RAB2B: variants seen among roughly 807,000 people sequenced by gnomAD.
RAB2B encodes RAB2B, member RAS oncogene family.
Under a neutral mutation model 29.8 loss-of-function variants are expected in RAB2B, and 20 were observed. The ratio of observed to expected loss-of-function variants is 0.67; its 90% CI spans 0.47 to 0.97. The LOEUF (loss-of-function observed/expected upper bound fraction) is 0.97, where lower values mean the gene tolerates loss of function less well. Among genes scored for constraint, RAB2B ranks in the 50% least tolerant of loss-of-function variants. The pLI is 0.00. For synonymous variants in RAB2B, 93 were observed against 91.7 expected, an observed-to-expected ratio of 1.01 and a Z score of -0.08; for missense variants, 218 against 272.0, an observed-to-expected ratio of 0.80 and a Z score of 1.40.
At chr14:21,471,628 A>C (rs920631122) in intron 3 of RAB2B, among the ~76,000 whole-genome samples, 1 of 150,516 alleles carries the variant, frequency 6.6e-6, no homozygotes. Flanking sequence ...AAAAAAAAAA[A>C]AAAGAAAAGA....
intron 6 of RAB2B, among the ~76,000 whole-genome samples, 153 bp from the exon 7 acceptor site, chr14:21,462,571 G>A (rs1000061699): frequency 6.6e-6 from 1 of 152,120 alleles, no homozygotes. Flanking sequence ...TGGGTGCGGT[G>A]GCTCATGCCT....
rs1890530165 is a variant in RAB2B at position 21,460,660 on chromosome 14, C to T, written c.*536G>A. 6.4e-6 allele frequency: 1 copy of T among 155,042 alleles called. No homozygotes were observed. The highest frequency in any genetic ancestry group is 1.4e-5 in the Non-Finnish European group (1 of 70,118). 9.6% of individuals were successfully genotyped at this position (155,042 alleles called of 1,614,324 possible). ...CAGAGTTTTGCTCTTGTTGCCCAGG[C>T]TGCAGTGCAATGGCGTGATCTTGGC... On this transcript the variant is annotated 3_prime_UTR_variant, in exon 8 of 8. Transcript: ENST00000397762.
At chr14:21,474,654 T>C (rs1028751541) in intron 3 of RAB2B, 1 of 494,044 alleles carries the variant, frequency 2.0e-6, no homozygotes, top group Admixed American at 3.7e-5. Flanking sequence ...TTATTTTTAC[T>C]AGAATAAACT....
chr14:21,461,573 C>A (rs1408967663), intron 7 of RAB2B, among the ~76,000 whole-genome samples: 2 of 152,054 alleles, frequency 1.3e-5, no homozygotes, highest in East Asian at 3.9e-4. Context: ...GGCTTTTGTG[C>A]ACTTTTTTTT....
Position 21,476,526 on chromosome 14 carries a change from A to C in RAB2B, c.118+2T>G. On this transcript the variant is annotated splice_donor_variant, in intron 2 of 7. Coordinates refer to ENST00000397762, the MANE Select transcript of RAB2B (RefSeq NM_032846.4). LOFTEE classifies it high-confidence loss of function. ...TGTTCTGGAACAAGTAGATGCACTT[A>C]CCTATTGTGAGGTCGTGGACAGGCT... 1 of 1,613,732 alleles carries C rather than the reference A, an allele frequency of 6.2e-7. No homozygotes were observed. Among genetic ancestry groups the C allele is most frequent in the Non-Finnish European group, 8.5e-7 (1 of 1,180,012 alleles).
At position 21,460,326 on chromosome 14, in the gene RAB2B, A is replaced by G. The variant is rs61973205; in HGVS notation, c.*870T>C. 75,107 of 507,936 alleles carry G rather than the reference A, an allele frequency of 0.15. 8,162 individuals are homozygous for G. Among genetic ancestry groups the G allele is most frequent in the African/African-American group, 0.36 (18,340 of 51,328 alleles). The allele number at this position is 507,936 out of a possible 1,614,324, so 31.5% of individuals were successfully genotyped here. On this transcript the variant is annotated 3_prime_UTR_variant, in exon 8 of 8. Coordinates refer to ENST00000397762, the MANE Select transcript of RAB2B (RefSeq NM_032846.4). The stretch of plus-strand genomic sequence containing the variant: ...ATTTAGGCCAGGCACGGTGGCTCAC[A>G]CCTGTAATCCAGCACTTTGGGAGGC...
intron 2 of RAB2B, among the ~76,000 whole-genome samples, chr14:21,475,319 C>T (rs1362651787): frequency 6.6e-6 from 1 of 152,082 alleles, no homozygotes; most frequent in Non-Finnish European, 1.5e-5. Context: ...TATTTCCTGA[C>T]ACTTTCTCAG....
In RAB2B at chr14:21,463,770, G is replaced by A. The variant is rs201316233; in HGVS notation, c.363-3C>T. The A allele has an allele frequency of 1.6e-4, 244 of 1,550,114 alleles. No homozygotes were observed. Among genetic ancestry groups the A allele is most frequent in the Non-Finnish European group, 2.1e-4 (233 of 1,135,054 alleles). ...CATCCCTGCGGGACTCTAGGTCACT[G>A]CAAGAGATTAATTAAGGAGAAAATT... On this transcript the variant is annotated splice_region_variant and splice_polypyrimidine_tract_variant and intron_variant, in intron 5 of 7. Transcript: ENST00000397762.
At chr14:21,464,814 C>A (rs1890649249) in intron 5 of RAB2B, among the ~76,000 whole-genome samples, 1 of 152,064 alleles carries the variant, frequency 6.6e-6, no homozygotes, top group South Asian at 2.1e-4. Flanking sequence ...GAACAGCCTG[C>A]ACAATACAGT....
intron 5 of RAB2B, among the ~76,000 whole-genome samples, chr14:21,465,316 C>T (rs1380920245): frequency 1.3e-5 from 2 of 152,220 alleles, no homozygotes; most frequent in Non-Finnish European, 2.9e-5. Flanking sequence ...AAACGGACTT[C>T]AAACTTAACA....
At chr14:21,470,147 T>G (rs1890775274) in intron 3 of RAB2B, among the ~76,000 whole-genome samples, 2 of 151,676 alleles carry the variant, frequency 1.3e-5, no homozygotes, top group African/African-American at 4.8e-5. Context: ...TAGAGATGGG[T>G]TTTCACTATG....
In RAB2B at chr14:21,463,575, T is replaced by C. The variant is rs909645519; in HGVS notation, c.474+81A>G. The C allele has an allele frequency of 1.1e-4, 110 of 1,031,324 alleles. 1 individual carries two copies. Among genetic ancestry groups the C allele is most frequent in the Middle Eastern group, 6.3e-4 (3 of 4,788 alleles). 63.9% of individuals were successfully genotyped at this position (1,031,324 alleles called of 1,614,324 possible). Reference sequence around the variant, plus strand: ...ACATCCTTTCTTTACCAATTTCTTATAGGAGAAGAGAATTCTGAATACAAG... The same window carrying C: ...ACATCCTTTCTTTACCAATTTCTTACAGGAGAAGAGAATTCTGAATACAAG... On this transcript the variant is annotated intron_variant, in intron 6 of 7. Transcript: ENST00000397762.
At chr14:21,462,555 G>A (rs1436707820) in intron 6 of RAB2B, 137 bp from the exon 7 acceptor site, 1 of 833,002 alleles carries the variant, frequency 1.2e-6, no homozygotes, top group African/African-American at 1.8e-5. Flanking sequence ...AACATAGAAG[G>A]TCGGTTGGGT....
chr14:21,459,499 G>A lies in RAB2B; in HGVS notation c.*1697C>T, dbSNP rs1361351664. The A allele has an allele frequency of 6.6e-6, 1 of 152,118 alleles. No homozygotes were observed. 9.4% of individuals were successfully genotyped at this position (152,118 alleles called of 1,614,324 possible). ...ATGAGTAGCACTAGGCACTGTAAAG[G>A]AATGATAGGGGGAATAATTTATAAA... On this transcript the variant is annotated 3_prime_UTR_variant, in exon 8 of 8. Transcript: ENST00000397762.
At chr14:21,472,542 C>G (rs6571843) in intron 3 of RAB2B, among the ~76,000 whole-genome samples, 142,345 of 152,242 alleles carry the variant, frequency 0.93, 66,717 homozygotes, top group African/African-American at 0.98. Context: ...CATTATTATA[C>G]GTATGAATCT....
intron 5 of RAB2B, 113 bp from the exon 6 acceptor site, chr14:21,463,880 A>G: frequency 1.5e-6 from 1 of 664,572 alleles, no homozygotes; most frequent in Non-Finnish European, 2.6e-6. Context: ...TTCATAAAGA[A>G]TGTAGATCCT....
At chr14:21,462,513 G>T in intron 6 of RAB2B, 95 bp from the exon 7 acceptor site, 1 of 1,218,190 alleles carries the variant, frequency 8.2e-7, no homozygotes, top group Non-Finnish European at 1.2e-6. Context: ...GAATTTCTAA[G>T]GTGAATTAGG....
At position 21,461,919 on chromosome 14, in the gene RAB2B, G is replaced by A. The variant is rs373786970; in HGVS notation, c.543+431C>T. On this transcript the variant is annotated intron_variant, in intron 7 of 7. Coordinates refer to ENST00000397762, the MANE Select transcript of RAB2B (RefSeq NM_032846.4). ...TGTTATACTTAAATGTCATAGCTAC[G>A]TGCAGAATCAGGGTGTGACGAGGTA... Among the ~76,000 whole-genome samples the A allele has an allele frequency of 1.2e-4, 18 of 152,332 alleles. No individual in the cohort carries two copies. In the East Asian group the frequency reaches 2.9e-3, roughly 24 times the overall value.
In RAB2B at chr14:21,468,753, C is replaced by A. The variant is rs748994018; in HGVS notation, c.187-1G>T. ...TAGAACGGAAGGATTCTTGCCCAGC[C>A]TTTCCCACCAACATGGCAACAAAAA... On this transcript the variant is annotated splice_acceptor_variant, in intron 3 of 7. Transcript: ENST00000397762. LOFTEE classifies it high-confidence loss of function. The A allele has an allele frequency of 6.6e-7, 1 of 1,525,306 alleles. No homozygotes were observed. The highest frequency in any genetic ancestry group is 1.3e-5 in the South Asian group (1 of 74,534). 94.5% of individuals were successfully genotyped at this position (1,525,306 alleles called of 1,614,324 possible).
Sources: gnomAD v4.1 joint callset for allele counts (sites outside exome capture counted in the v4.1 genomes callset) on GRCh38, gnomAD v4.1.1 for gene constraint, MANE v1.5 for transcripts, NCBI Gene and HGNC (gene_info 2026-07-23, HGNC 2026-07-21) for gene names.